CSF2RA: variants seen among roughly 807,000 people sequenced by gnomAD.
CSF2RA encodes the protein granulocyte-macrophage colony-stimulating factor receptor subunit alpha.
A neutral mutation model predicts 51.6 loss-of-function variants in CSF2RA; 42 were observed. The observed-to-expected ratio is 0.81, with a 90% confidence interval of 0.64 to 1.05. The LOEUF is 1.05. Among genes scored for constraint, CSF2RA ranks in the 50% least tolerant of loss-of-function variants. CSF2RA has a pLI of 0.00. For missense variants in CSF2RA, 530 were observed against 501.1 expected, an observed-to-expected ratio of 1.06 and a Z score of -0.55; for synonymous variants, 222 against 193.0, an observed-to-expected ratio of 1.15 and a Z score of -1.24.
chrX:1,314,447 C>T (rs777284542), downstream of CSF2RA, among the ~76,000 whole-genome samples: 12 of 145,882 alleles, frequency 8.2e-5, no homozygotes, highest in African/African-American at 2.9e-4. Flanking sequence ...TGCACTTGCC[C>T]AATTGCACTG....
the CSF2RA span, among the ~76,000 whole-genome samples, chrX:1,321,926 G>A: frequency 6.6e-6 from 1 of 151,746 alleles, no homozygotes; most frequent in Non-Finnish European, 1.5e-5. Context: ...TCATGAGGTC[G>A]GGAGTTCGAG....
the CSF2RA span, among the ~76,000 whole-genome samples, chrX:1,322,281 T>C: frequency 6.6e-6 from 1 of 150,468 alleles, no homozygotes; most frequent in African/African-American, 2.4e-5. Flanking sequence ...ATTTTTTTTT[T>C]TTTTGTATTT....
chrX:1,299,857 G>C (rs1174942997), intron 9 of CSF2RA, among the ~76,000 whole-genome samples: 2 of 152,092 alleles, frequency 1.3e-5, no homozygotes, highest in African/African-American at 4.8e-5. Context: ...AGCGGAGGTT[G>C]CGGTGAGCCC....
intron 6 of CSF2RA, among the ~76,000 whole-genome samples, chrX:1,289,414 C>G (rs2091115178): frequency 6.6e-6 from 1 of 152,224 alleles, no homozygotes; most frequent in Non-Finnish European, 1.5e-5. Context: ...CAGGCGTGAG[C>G]CACTGCACCT....
intron 10 of CSF2RA, among the ~76,000 whole-genome samples, chrX:1,302,272 T>C (rs1175416253): frequency 3.9e-5 from 6 of 152,118 alleles, no homozygotes; most frequent in Admixed American, 6.6e-5. Context: ...TCTATGCTTT[T>C]CTCTGAAGAT....
rs779154024 is a variant in CSF2RA at position 1,285,771 on chromosome X, C to G, written c.77-7C>G. ...GAAATTCTGAACCCAGTGCCCGCTC[C>G]TTGCAGATCTGCGAACAGTGGCACC... On this transcript the variant is annotated splice_region_variant and splice_polypyrimidine_tract_variant and intron_variant, in intron 3 of 12. Transcript: ENST00000381529. 14 of 1,612,280 alleles carry G rather than the reference C, an allele frequency of 8.7e-6. No homozygotes were observed. In the South Asian group the frequency reaches 1.2e-4, roughly 14 times the overall value.
At chrX:1,301,721 C>T (rs140412060) in intron 10 of CSF2RA, among the ~76,000 whole-genome samples, 24,202 of 150,090 alleles carry the variant, frequency 0.16, 2,202 homozygotes, top group African/African-American at 0.23. Flanking sequence ...CTCAGCCTCC[C>T]CAGTAGCTGG....
downstream of CSF2RA, among the ~76,000 whole-genome samples, chrX:1,311,685 C>T (rs2084198199): frequency 1.3e-5 from 2 of 152,128 alleles, no homozygotes; most frequent in South Asian, 2.1e-4. Flanking sequence ...TCGTGATCCG[C>T]CCCCCTTGGC....
At chrX:1,277,170 T>C (rs1201077558) in intron 2 of CSF2RA, among the ~76,000 whole-genome samples, 2 of 152,016 alleles carry the variant, frequency 1.3e-5, no homozygotes, top group African/African-American at 4.8e-5. Flanking sequence ...ACAGAAAGCT[T>C]AGAAGTCGCT....
intron 2 of CSF2RA, among the ~76,000 whole-genome samples, chrX:1,280,958 CCTCCTT>C (rs2089901480): frequency 1.1e-5 from 1 of 93,886 alleles, no homozygotes; most frequent in African/African-American, 3.1e-5. Flanking sequence ...TTCTCCTCCT[CCTCCTT>C]CTCCTCCTCC....
intron 2 of CSF2RA, among the ~76,000 whole-genome samples, chrX:1,279,365 T>TTAA (rs2089606096): frequency 7.0e-6 from 1 of 143,870 alleles, no homozygotes; most frequent in Admixed American, 7.0e-5. Flanking sequence ...ATAATAATAA[T>TTAA]TAATAATAAT....
At chrX:1,305,598 T>C (rs1333190494) in intron 12 of CSF2RA, 71 bp downstream of exon 12, 6 of 1,613,908 alleles carry the variant, frequency 3.7e-6, no homozygotes, top group East Asian at 2.2e-5. Flanking sequence ...ACACGGCCTC[T>C]GGGTGTCGAC....
intron 11 of CSF2RA, among the ~76,000 whole-genome samples, chrX:1,305,063 G>A (rs770929598): frequency 4.7e-5 from 7 of 147,996 alleles, no homozygotes; most frequent in South Asian, 4.3e-4. Flanking sequence ...GTGCAATCTC[G>A]GCTCACTGCA....
chrX:1,285,867 A>AGTGTT lies in CSF2RA; in HGVS notation c.166_167insGTGTT (p.Thr56SerfsTer9). ...AAGCTGGGACTGCCAAGAAAACACA[A>AGTGTT]CCTTCAGCAAGTGTTTCTTAACTGA... is the stretch of plus-strand genomic sequence containing the variant. On this transcript the variant is annotated frameshift_variant, in exon 4 of 13. Transcript: ENST00000381529. LOFTEE classifies it high-confidence loss of function. 6.2e-7 allele frequency: 1 copy of AGTGTT among 1,613,862 alleles called. No homozygotes were observed.
intron 12 of CSF2RA, among the ~76,000 whole-genome samples, chrX:1,306,920 G>A (rs1362023326): frequency 1.3e-5 from 2 of 151,520 alleles, no homozygotes; most frequent in Non-Finnish European, 2.9e-5. Flanking sequence ...GGAAGAGAGA[G>A]ACAGATGGAG....
chrX:1,296,353 C>A (rs775619222), intron 9 of CSF2RA, among the ~76,000 whole-genome samples: 322 of 106,464 alleles, frequency 3.0e-3, no homozygotes, highest in African/African-American at 0.012. Context: ...CTGGCGGAAC[C>A]CTACAGTCCC....
intron 9 of CSF2RA, among the ~76,000 whole-genome samples, chrX:1,295,969 G>C (rs190567239): frequency 6.6e-6 from 1 of 150,402 alleles, no homozygotes; most frequent in East Asian, 2.0e-4. Flanking sequence ...TAACTCTACA[G>C]TCCCCTACTC....
chrX:1,310,059 G>A (rs1435071315), downstream of CSF2RA: 7 of 355,192 alleles, frequency 2.0e-5, no homozygotes, highest in Non-Finnish European at 2.0e-5. Context: ...GCTGGGCGTG[G>A]TGGCTTGTGC....
chrX:1,305,057 A>C (rs1341189457), intron 11 of CSF2RA, among the ~76,000 whole-genome samples: 7 of 148,264 alleles, frequency 4.7e-5, no homozygotes. Context: ...GCAGTGGTGC[A>C]ATCTCGGCTC....
Sources: gnomAD v4.1 joint callset for allele counts (sites outside exome capture counted in the v4.1 genomes callset) on GRCh38, gnomAD v4.1.1 for gene constraint, MANE v1.5 for transcripts, NCBI Gene and HGNC (gene_info 2026-07-23, HGNC 2026-07-21) for gene names.